The following BRAF variants were observed in gnomAD, a reference collection of about 807,000 sequenced individuals.
The protein encoded by BRAF is serine/threonine-protein kinase B-raf.
Under a neutral mutation model 104.6 loss-of-function variants are expected in BRAF, and 16 were observed. That is an observed-to-expected ratio of 0.15 (90% CI 0.10 to 0.23). The LOEUF (loss-of-function observed/expected upper bound fraction) is 0.23, where lower values mean the gene tolerates loss of function less well. BRAF is among the 10% of genes least tolerant of loss of function. BRAF has a pLI of 1.00. For synonymous variants in BRAF, 310 were observed against 341.6 expected (o/e 0.91, Z 1.02); for missense variants, 541 against 937.3 (o/e 0.58, Z 5.52).
At chr7:140,907,324 C>T (rs1211559988) in intron 1 of BRAF, among the ~76,000 whole-genome samples, 1 of 152,032 alleles carries the variant, frequency 6.6e-6, no homozygotes, top group East Asian at 1.9e-4. Flanking sequence ...TGCAGTGGTG[C>T]GATCTCAGCT....
chr7:140,808,244 A>G, intron 4 of BRAF, 182 bp from the exon 5 acceptor site: 1 of 658,870 alleles, frequency 1.5e-6, no homozygotes, highest in Non-Finnish European at 2.8e-6. Context: ...TACCCCAAAT[A>G]AATGTATCAC....
intron 3 of BRAF, among the ~76,000 whole-genome samples, chr7:140,815,420 C>T (rs1804768246): frequency 6.7e-6 from 1 of 148,436 alleles, no homozygotes; most frequent in Admixed American, 6.7e-5. Context: ...GCTAGGATTA[C>T]AGGTGTGAGC....
At chr7:140,822,180 TTAA>T (rs1412958256) in intron 3 of BRAF, among the ~76,000 whole-genome samples, 1 of 152,176 alleles carries the variant, frequency 6.6e-6, no homozygotes, top group Non-Finnish European at 1.5e-5. Context: ...AAAAAAAATT[TTAA>T]TAATAATTCT....
chr7:140,774,585 C>T (rs1586112362), intron 14 of BRAF, among the ~76,000 whole-genome samples: 1 of 152,168 alleles, frequency 6.6e-6, no homozygotes, highest in Non-Finnish European at 1.5e-5. Context: ...GGCACAATCA[C>T]GACTCCTTGC....
chr7:140,882,452 T>G (rs867280086), intron 1 of BRAF, among the ~76,000 whole-genome samples: 3 of 149,768 alleles, frequency 2.0e-5, no homozygotes, highest in Non-Finnish European at 4.4e-5. Context: ...CTCGGCTCAC[T>G]GCAACCTCTG....
At chr7:140,810,564 T>C (rs1804149384) in intron 3 of BRAF, among the ~76,000 whole-genome samples, 1 of 152,118 alleles carries the variant, frequency 6.6e-6, no homozygotes, top group African/African-American at 2.4e-5. Flanking sequence ...AGCGAGATAC[T>C]GTCACAAACA....
intron 14 of BRAF, among the ~76,000 whole-genome samples, chr7:140,770,522 C>T (rs912835713): frequency 1.7e-4 from 23 of 136,784 alleles, no homozygotes; most frequent in Non-Finnish European, 2.9e-4. Context: ...AATTATAAGG[C>T]CTGCCAAAAA....
At position 140,724,262 on chromosome 7, in the gene BRAF, C is replaced by G. The variant is rs1323787404; in HGVS notation, c.*2232G>C. 1 of 1,058,848 alleles carries G rather than the reference C, an allele frequency of 9.4e-7. No homozygotes were observed. Among genetic ancestry groups the G allele is most frequent in the Non-Finnish European group, 1.1e-6 (1 of 875,238 alleles). 65.6% of individuals were successfully genotyped at this position (1,058,848 alleles called of 1,614,324 possible). On this transcript the variant is annotated 3_prime_UTR_variant, in exon 20 of 20. Coordinates refer to ENST00000644969, the MANE Select transcript of BRAF (RefSeq NM_001374258.1). ...GGCTGCACATGTTCTACCTCCTCAG[C>G]AGGACATGAAACACATCCTCTTGTT...
intron 16 of BRAF, among the ~76,000 whole-genome samples, chr7:140,750,997 G>A (rs963401879): frequency 2.0e-5 from 3 of 152,106 alleles, no homozygotes; most frequent in Non-Finnish European, 4.4e-5. Flanking sequence ...GGACCACACA[G>A]CCTTAGTTAT....
At chr7:140,818,031 T>TC (rs1805060508) in intron 3 of BRAF, among the ~76,000 whole-genome samples, 1 of 147,852 alleles carries the variant, frequency 6.8e-6, no homozygotes, top group African/African-American at 2.6e-5. Context: ...ACCTTACAAA[T>TC]TAAAAAAAAA....
At chr7:140,919,745 G>T (rs1818010057) in intron 1 of BRAF, among the ~76,000 whole-genome samples, 1 of 151,970 alleles carries the variant, frequency 6.6e-6, no homozygotes, top group Non-Finnish European at 1.5e-5. Flanking sequence ...ATTTTAAAAA[G>T]CAGTACTTGA....
At chr7:140,733,173 G>A (rs1198128539) in intron 19 of BRAF, 2 of 152,150 alleles carry the variant, frequency 1.3e-5, no homozygotes, top group Non-Finnish European at 2.9e-5. Context: ...TTTCCTGGAT[G>A]ACATCTAAGT....
At chr7:140,822,653 C>T (rs1805609829) in intron 3 of BRAF, among the ~76,000 whole-genome samples, 1 of 152,200 alleles carries the variant, frequency 6.6e-6, no homozygotes, top group South Asian at 2.1e-4. Flanking sequence ...TTTATAGATA[C>T]ACCACAATCC....
chr7:140,766,081 A>G lies in BRAF; in HGVS notation c.1814+10831T>C, dbSNP rs996682043. On this transcript the variant is annotated intron_variant, in intron 14 of 19. Coordinates refer to ENST00000644969, the MANE Select transcript of BRAF (RefSeq NM_001374258.1). ...TCCAACAATGATAGACTGGATTAAG[A>G]AAATGTGGCACATATACACCATGCA... Among the ~76,000 whole-genome samples the G allele has an allele frequency of 6.5e-4, 99 of 152,166 alleles. 4 individuals carry two copies. Among genetic ancestry groups the G allele is most frequent in the Non-Finnish European group, 4.3e-4 (29 of 68,040 alleles).
intron 14 of BRAF, among the ~76,000 whole-genome samples, chr7:140,757,124 A>G (rs1438696576): frequency 2.0e-5 from 3 of 152,220 alleles, no homozygotes; most frequent in South Asian, 2.1e-4. Context: ...ATATTTAATT[A>G]CATGCTTCCT....
intron 3 of BRAF, among the ~76,000 whole-genome samples, chr7:140,825,095 G>A (rs145856136): frequency 8.0e-5 from 12 of 150,412 alleles, no homozygotes; most frequent in African/African-American, 2.4e-4. Context: ...TCAGCCTCCC[G>A]AGCAGCTGGG....
chr7:140,853,518 A>T (rs570237826), intron 1 of BRAF, among the ~76,000 whole-genome samples: 2 of 152,232 alleles, frequency 1.3e-5, no homozygotes, highest in South Asian at 4.1e-4. Context: ...CACTCATCCC[A>T]TTCCAATCAC....
intron 1 of BRAF, among the ~76,000 whole-genome samples, chr7:140,916,600 G>A (rs1029829179): frequency 6.6e-6 from 1 of 152,094 alleles, no homozygotes; most frequent in African/African-American, 2.4e-5. Flanking sequence ...ATGCAACACG[G>A]TAAAAAGGAC....
intron 1 of BRAF, among the ~76,000 whole-genome samples, chr7:140,867,259 C>T (rs1166594350): frequency 6.6e-6 from 1 of 152,114 alleles, no homozygotes; most frequent in Non-Finnish European, 1.5e-5. Context: ...TCATATATTG[C>T]ATGGTCTATG....
Sources: gnomAD v4.1 joint callset for allele counts (sites outside exome capture counted in the v4.1 genomes callset) on GRCh38, gnomAD v4.1.1 for gene constraint, MANE v1.5 for transcripts, NCBI Gene and HGNC (gene_info 2026-07-23, HGNC 2026-07-21) for gene names.